Variants in TG observed in about 807,000 individuals in gnomAD.
TG encodes the protein thyroid hormones.
A neutral mutation model predicts 324.7 loss-of-function variants in TG; 270 were observed. That is an observed-to-expected ratio of 0.83 (90% CI 0.75 to 0.92). The LOEUF (loss-of-function observed/expected upper bound fraction) is 0.92. Ranked by LOEUF, TG falls within the 40% of genes least tolerant of loss-of-function variation. The pLI, the probability that TG is intolerant of heterozygous loss-of-function variation, is 0.00. For synonymous variants in TG, 1,401 were observed against 1,327.0 expected, an observed-to-expected ratio of 1.06 and a Z score of -1.21; for missense variants, 3,591 against 3,456.4, an observed-to-expected ratio of 1.04 and a Z score of -0.98.
chr8:132,893,576 G>A (rs1199683468), intron 10 of TG, 114 bp from the exon 11 acceptor site: 15 of 1,411,964 alleles, frequency 1.1e-5, no homozygotes, highest in Non-Finnish European at 1.5e-5. Context: ...TGGTGTGTGT[G>A]TGTGGTGTGT....
At chr8:133,091,892 T>A (rs930274048) in intron 41 of TG, among the ~76,000 whole-genome samples, 1 of 151,782 alleles carries the variant, frequency 6.6e-6, no homozygotes. Context: ...TGTGTCTCTA[T>A]CTATGACTGT....
In TG at chr8:132,882,497, T is replaced by C. The variant is rs769120888; in HGVS notation, c.774T>C (p.Tyr258=). The C allele has an allele frequency of 6.2e-7, 1 of 1,614,256 alleles. No homozygotes were observed. Among genetic ancestry groups the C allele is most frequent in the Admixed American group, 1.7e-5 (1 of 60,036 alleles). ...TGLELLLDEI[Y]DTIFAGLDLP... is the part of the protein sequence containing the mutation. ...TGGAGTTGTTACTGGATGAAATTTATGACACCATTTTTGCTGGCCTGGACC... is the reference window on the plus strand; with the variant it reads ...TGGAGTTGTTACTGGATGAAATTTACGACACCATTTTTGCTGGCCTGGACC... The change falls in exon 7 of 48, where the codon TAT becomes TAC. Residue 258 remains tyrosine (Y), a synonymous_variant. Coordinates refer to ENST00000220616, the MANE Select transcript of TG (RefSeq NM_003235.5).
At chr8:133,006,481 T>G (rs990863308) in intron 35 of TG, among the ~76,000 whole-genome samples, 9 of 152,234 alleles carry the variant, frequency 5.9e-5, no homozygotes, top group Admixed American at 4.6e-4. Context: ...TCATCTTAAA[T>G]GTTTTGGCTT....
intron 10 of TG, among the ~76,000 whole-genome samples, chr8:132,890,682 C>T (rs1816104667): frequency 6.6e-6 from 1 of 152,284 alleles, no homozygotes; most frequent in Non-Finnish European, 1.5e-5. Context: ...ACATAACTGC[C>T]TCAAAGGCTT....
At chr8:133,060,608 T>C (rs1455348262) in intron 41 of TG, among the ~76,000 whole-genome samples, 1 of 152,210 alleles carries the variant, frequency 6.6e-6, no homozygotes, top group East Asian at 1.9e-4. Context: ...GAGTTGTGTG[T>C]CTGTACAACC....
intron 43 of TG, among the ~76,000 whole-genome samples, chr8:133,102,110 T>A (rs1358875310): frequency 1.3e-5 from 2 of 152,236 alleles, no homozygotes; most frequent in South Asian, 2.1e-4. Context: ...CTTAATTTTT[T>A]AATTTTAATA....
intron 35 of TG, among the ~76,000 whole-genome samples, chr8:132,989,957 AT>A (rs1832100893): frequency 6.6e-6 from 1 of 152,110 alleles, no homozygotes; most frequent in African/African-American, 2.4e-5. Flanking sequence ...TAATGGTGAA[AT>A]ATAAGCAATA....
intron 43 of TG, among the ~76,000 whole-genome samples, chr8:133,101,363 C>T (rs1216195376): frequency 6.6e-6 from 1 of 152,186 alleles, no homozygotes; most frequent in Non-Finnish European, 1.5e-5. Context: ...CCACTCCCAA[C>T]CTGAATTTAG....
chr8:133,059,664 G>A (rs1271858956), intron 41 of TG, among the ~76,000 whole-genome samples: 1 of 152,134 alleles, frequency 6.6e-6, no homozygotes, highest in Non-Finnish European at 1.5e-5. Context: ...CACAGATCCA[G>A]CTCTTGCGGG....
chr8:133,054,896 C>A (rs1287583986), intron 41 of TG, among the ~76,000 whole-genome samples: 1 of 152,178 alleles, frequency 6.6e-6, no homozygotes, highest in Admixed American at 6.5e-5. Context: ...ATGACCATTT[C>A]TTTTTAAATG....
chr8:132,901,419 C>T lies in TG; in HGVS notation c.3500C>T (p.Pro1167Leu), dbSNP rs1218803979. ...AGGAGAGTCAGCCCAGGCTATGTCC[C>T]AGCCTGCAGGGCAGAGGATGGGGGC... ...LSRRVSPGYVPACRAEDGGFS... is the reference protein window; with the variant it reads ...LSRRVSPGYVLACRAEDGGFS... Residue 1167 changes from proline to leucine, a missense_variant, in exon 16 of 48, where the codon CCA becomes CTA. Transcript: ENST00000220616. 1 of 1,614,242 alleles carries T rather than the reference C, an allele frequency of 6.2e-7. No individual in the cohort carries two copies. The highest frequency in any genetic ancestry group is 1.7e-5 in the Admixed American group (1 of 60,032).
intron 45 of TG, among the ~76,000 whole-genome samples, chr8:133,128,997 C>T (rs977476596): frequency 1.3e-5 from 2 of 152,166 alleles, no homozygotes; most frequent in Admixed American, 6.5e-5. Context: ...TCTGGGTCTT[C>T]CTCTGCTGCT....
At chr8:132,901,254 T>A in intron 15 of TG, 99 bp from the exon 16 acceptor site, 1 of 1,433,958 alleles carries the variant, frequency 7.0e-7, no homozygotes, top group Non-Finnish European at 9.7e-7. Flanking sequence ...TGCAGGCAGG[T>A]GGGCTGAGGG....
chr8:132,899,116 C>G (rs1817559095), intron 14 of TG: 1 of 612,882 alleles, frequency 1.6e-6, no homozygotes, highest in African/African-American at 1.8e-5. Context: ...TTTGTTTAAT[C>G]ATAAGATCAG....
chr8:132,898,940 C>G (rs202082021), intron 14 of TG, 30 bp downstream of exon 14: 2 of 1,570,266 alleles, frequency 1.3e-6, no homozygotes, highest in East Asian at 4.5e-5. Flanking sequence ...GGATTGGAGC[C>G]GGGACTTGTC....
At chr8:132,872,456 C>T (rs901918214) in intron 4 of TG, among the ~76,000 whole-genome samples, 40 of 114,474 alleles carry the variant, frequency 3.5e-4, no homozygotes, top group African/African-American at 1.3e-3. Flanking sequence ...CCAGCCTGGG[C>T]GGCAGAGCAA....
At chr8:132,891,278 T>C (rs1816202451) in intron 10 of TG, among the ~76,000 whole-genome samples, 2 of 151,500 alleles carry the variant, frequency 1.3e-5, no homozygotes, top group South Asian at 2.1e-4. Flanking sequence ...GTTATAGACG[T>C]AGGAGGGGAG....
At chr8:133,099,616 T>A (rs1848949737) in intron 43 of TG, among the ~76,000 whole-genome samples, 1 of 152,202 alleles carries the variant, frequency 6.6e-6, no homozygotes, top group African/African-American at 2.4e-5. Flanking sequence ...GACTGCCGAT[T>A]CCACCTCTGC....
At chr8:133,089,143 A>T (rs939599413) in intron 41 of TG, among the ~76,000 whole-genome samples, 1 of 152,082 alleles carries the variant, frequency 6.6e-6, no homozygotes, top group African/African-American at 2.4e-5. Context: ...CTTAGACCTT[A>T]CAAGTCACCG....
Sources: gnomAD v4.1 joint callset for allele counts (sites outside exome capture counted in the v4.1 genomes callset) on GRCh38, gnomAD v4.1.1 for gene constraint, MANE v1.5 for transcripts, NCBI Gene and HGNC (gene_info 2026-07-23, HGNC 2026-07-21) for gene names.